Variants in NMNAT2 observed in about 807,000 individuals in gnomAD.
NMNAT2 encodes the protein nicotinamide/nicotinic acid mononucleotide adenylyltransferase 2.
Under a neutral mutation model 41.6 loss-of-function variants are expected in NMNAT2, and 11 were observed. That is an observed-to-expected ratio of 0.26 (90% CI 0.17 to 0.44). The LOEUF (loss-of-function observed/expected upper bound fraction) is 0.44. NMNAT2 is among the 20% of genes least tolerant of loss of function. The pLI is 1.00. For synonymous variants in NMNAT2, 148 were observed against 151.2 expected (o/e 0.98, Z 0.16); for missense variants, 288 against 407.7 (o/e 0.71, Z 2.53).
intron 5 of NMNAT2, 77 bp from the exon 6 acceptor site, chr1:183,284,867 T>C (rs555020469): frequency 3.0e-5 from 36 of 1,185,088 alleles, no homozygotes; most frequent in African/African-American, 2.5e-4. Context: ...CGGCCCGGCA[T>C]TGGGGCCGCT....
intron 5 of NMNAT2, among the ~76,000 whole-genome samples, chr1:183,285,918 G>A (rs886248044): frequency 6.6e-6 from 1 of 152,126 alleles, no homozygotes; most frequent in African/African-American, 2.4e-5. Context: ...TAAGAGTGTG[G>A]GGATTCTGGG....
chr1:183,296,772 C>T (rs569574843), intron 1 of NMNAT2, among the ~76,000 whole-genome samples: 1 of 152,224 alleles, frequency 6.6e-6, no homozygotes, highest in Non-Finnish European at 1.5e-5. Flanking sequence ...CCTCAGCCTC[C>T]CAAAGTGCTG....
chr1:183,286,238 ATT>A (rs1218716500), intron 5 of NMNAT2, among the ~76,000 whole-genome samples: 1 of 151,230 alleles, frequency 6.6e-6, no homozygotes, highest in Non-Finnish European at 1.5e-5. Flanking sequence ...TGCCCAGTTA[ATT>A]TTTGTTATTG....
Position 183,284,712 on chromosome 1 carries a change from A to G in NMNAT2, c.527T>C (p.Val176Ala), listed in dbSNP as rs1661355690. ...VRPPVERFTF[V>A]DENANLGTVM... Reference sequence around the variant, plus strand: ...AATCAAGTTCCTTGGTTCCTCACCTACAAAGGTGAAACGCTCCACCGGCGG... The same window carrying G: ...AATCAAGTTCCTTGGTTCCTCACCTGCAAAGGTGAAACGCTCCACCGGCGG... The change falls in exon 6 of 11, where the codon GTA becomes GCA. Residue 176 changes from valine to alanine, a missense_variant and splice_region_variant. Physicochemically the swap from Val to Ala is moderately conservative, Grantham distance 64. Coordinates refer to ENST00000287713, the MANE Select transcript of NMNAT2 (RefSeq NM_015039.4). 1 of 1,612,782 alleles carries G rather than the reference A, an allele frequency of 6.2e-7. No individual in the cohort carries two copies. Among genetic ancestry groups the G allele is most frequent in the Non-Finnish European group, 8.5e-7 (1 of 1,178,752 alleles).
chr1:183,373,978 T>C (rs1246816886), intron 1 of NMNAT2, among the ~76,000 whole-genome samples: 1 of 152,260 alleles, frequency 6.6e-6, no homozygotes, highest in Non-Finnish European at 1.5e-5. Flanking sequence ...GCAATCATTA[T>C]GTGTCACTTT....
chr1:183,315,532 G>A (rs2102326802), intron 1 of NMNAT2, among the ~76,000 whole-genome samples: 1 of 152,172 alleles, frequency 6.6e-6, no homozygotes. Flanking sequence ...TTTAAAATAT[G>A]AGTAGCTTTG....
intron 1 of NMNAT2, among the ~76,000 whole-genome samples, chr1:183,329,878 A>G (rs10911312): frequency 0.45 from 68,085 of 152,010 alleles, 16,257 homozygotes; most frequent in East Asian, 0.78. Flanking sequence ...GAAAACTTAA[A>G]TGCATTGCAT....
chr1:183,261,674 G>C (rs748330027), intron 8 of NMNAT2, among the ~76,000 whole-genome samples: 11 of 152,178 alleles, frequency 7.2e-5, no homozygotes, highest in Non-Finnish European at 1.5e-4. Context: ...CCTCTGGAGT[G>C]AAACAGATCC....
At chr1:183,277,629 G>T (rs1049143147) in intron 8 of NMNAT2, among the ~76,000 whole-genome samples, 4 of 151,380 alleles carry the variant, frequency 2.6e-5, no homozygotes, top group Admixed American at 2.0e-4. Flanking sequence ...GTCCTGCCTC[G>T]ATCTCTGTCC....
At chr1:183,369,263 CTTT>C (rs55925461) in intron 1 of NMNAT2, among the ~76,000 whole-genome samples, 60,286 of 140,010 alleles carry the variant, frequency 0.43, 12,604 homozygotes, top group East Asian at 0.65. Flanking sequence ...CTTTTCTTTT[CTTT>C]TTTTTTTTTT....
At chr1:183,305,881 C>T (rs1053465696) in intron 1 of NMNAT2, among the ~76,000 whole-genome samples, 1 of 152,072 alleles carries the variant, frequency 6.6e-6, no homozygotes, top group African/African-American at 2.4e-5. Flanking sequence ...CCACCATACC[C>T]GGCCAATTTT....
intron 1 of NMNAT2, among the ~76,000 whole-genome samples, chr1:183,330,012 G>A (rs539454159): frequency 2.6e-5 from 4 of 152,150 alleles, no homozygotes; most frequent in African/African-American, 7.2e-5. Context: ...GCTGGATATC[G>A]AACGGGGAGA....
intron 1 of NMNAT2, among the ~76,000 whole-genome samples, chr1:183,308,141 C>CA (rs1662038217): frequency 6.6e-6 from 1 of 152,290 alleles, no homozygotes; most frequent in South Asian, 2.1e-4. Context: ...TTATGAGTCT[C>CA]AGAGCTCATA....
intron 1 of NMNAT2, among the ~76,000 whole-genome samples, chr1:183,379,885 GT>G (rs1244405395): frequency 2.0e-5 from 3 of 152,206 alleles, no homozygotes; most frequent in Non-Finnish European, 4.4e-5. Flanking sequence ...CATTTCTATA[GT>G]TAGTTTAAAC....
chr1:183,307,982 G>A (rs1448051686), intron 1 of NMNAT2, among the ~76,000 whole-genome samples: 1 of 152,224 alleles, frequency 6.6e-6, no homozygotes, highest in East Asian at 1.9e-4. Flanking sequence ...CAGCTGAGGT[G>A]TGTTTGGATG....
chr1:183,379,381 A>G (rs1418285096), intron 1 of NMNAT2, among the ~76,000 whole-genome samples: 2 of 151,806 alleles, frequency 1.3e-5, no homozygotes, highest in East Asian at 1.9e-4. Context: ...AGGTCTCCCT[A>G]TGTTGCCCAG....
At position 183,290,112 on chromosome 1, in the gene NMNAT2, G is replaced by T. The variant is rs201924909; in HGVS notation, c.321+16C>A. ...ACTCTGGTGGTTCACGCATCCCCAG[G>T]CTTGGCCCAGCTCACCTTCATGAGG... On this transcript the variant is annotated intron_variant, in intron 4 of 10. Coordinates refer to ENST00000287713, the MANE Select transcript of NMNAT2 (RefSeq NM_015039.4). The T allele has an allele frequency of 5.8e-6, 9 of 1,562,712 alleles. No individual in the cohort carries two copies. The highest frequency in any genetic ancestry group is 7.8e-6 in the Non-Finnish European group (9 of 1,152,070).
intron 10 of NMNAT2, among the ~76,000 whole-genome samples, chr1:183,260,475 C>T (rs1436720806): frequency 1.0e-4 from 1 of 9,604 alleles, no homozygotes; most frequent in Non-Finnish European, 5.9e-3. Flanking sequence ...CCCTGTTCTC[C>T]CCTTTAAAGC....
chr1:183,285,545 CTCT>C (rs1000793584), intron 5 of NMNAT2, among the ~76,000 whole-genome samples: 6 of 152,200 alleles, frequency 3.9e-5, no homozygotes, highest in Non-Finnish European at 8.8e-5. Context: ...GAAATTCTGA[CTCT>C]TCTTTGTGAA....
Sources: gnomAD v4.1 joint callset for allele counts (sites outside exome capture counted in the v4.1 genomes callset) on GRCh38, gnomAD v4.1.1 for gene constraint, MANE v1.5 for transcripts, NCBI Gene and HGNC (gene_info 2026-07-23, HGNC 2026-07-21) for gene names.